The following NRIP1 variants were observed in gnomAD, a reference collection of about 807,000 sequenced individuals.
NRIP1 encodes the protein nuclear receptor interacting protein 1.
Under a neutral mutation model 75.0 loss-of-function variants are expected in NRIP1, and 28 were observed. That is an observed-to-expected ratio of 0.37 (90% confidence interval 0.28 to 0.51). The LOEUF is 0.51. NRIP1 is among the 20% of genes least tolerant of loss of function. NRIP1 has a pLI of 0.92. For synonymous variants in NRIP1, 526 were observed against 487.6 expected (o/e 1.08, Z -1.04); for missense variants, 1,435 against 1,343.7 (o/e 1.07, Z -1.06).
chr21:15,027,199 G>A (rs1279121058), intron 2 of NRIP1, among the ~76,000 whole-genome samples: 3 of 152,200 alleles, frequency 2.0e-5, no homozygotes, highest in Non-Finnish European at 4.4e-5. Context: ...GAAAGCGGTT[G>A]CAAGACACCA....
intron 3 of NRIP1, among the ~76,000 whole-genome samples, chr21:14,972,170 G>T (rs2086919388): frequency 6.6e-6 from 1 of 152,118 alleles, no homozygotes; most frequent in Non-Finnish European, 1.5e-5. Context: ...AACGCACTTA[G>T]CTCCTTCTAT....
chr21:15,042,616 T>C (rs1229765438), intron 2 of NRIP1, among the ~76,000 whole-genome samples: 1 of 151,936 alleles, frequency 6.6e-6, no homozygotes, highest in Non-Finnish European at 1.5e-5. Flanking sequence ...ATAAAAGAGG[T>C]CCCAATAATT....
At chr21:15,050,643 A>G (rs771646040) in intron 1 of NRIP1, 18 of 433,736 alleles carry the variant, frequency 4.1e-5, no homozygotes, top group Admixed American at 3.0e-4. Context: ...ACGTGACCAC[A>G]GTAAATCCTA....
chr21:14,983,066 T>C (rs140389644), intron 3 of NRIP1, among the ~76,000 whole-genome samples: 1 of 152,280 alleles, frequency 6.6e-6, no homozygotes, highest in East Asian at 1.9e-4. Context: ...GATCAATTAA[T>C]AACCCTACAA....
At chr21:15,048,852 T>C (rs967862743) in intron 1 of NRIP1, among the ~76,000 whole-genome samples, 2 of 152,202 alleles carry the variant, frequency 1.3e-5, no homozygotes, top group African/African-American at 4.8e-5. Context: ...CAAGGAGAAA[T>C]GATCCACTTA....
intron 1 of NRIP1, among the ~76,000 whole-genome samples, chr21:15,059,778 C>T (rs769715066): frequency 2.6e-5 from 4 of 151,776 alleles, no homozygotes; most frequent in Non-Finnish European, 5.9e-5. Flanking sequence ...TTTTCATAAC[C>T]CCAAAGAGTG....
At chr21:14,976,810 G>A (rs763202570) in intron 3 of NRIP1, among the ~76,000 whole-genome samples, 25 of 152,136 alleles carry the variant, frequency 1.6e-4, no homozygotes, top group Non-Finnish European at 3.5e-4. Context: ...TGTTTTTAAG[G>A]ATTCAGTATC....
chr21:15,062,618 T>G (rs1568741893), intron 1 of NRIP1, among the ~76,000 whole-genome samples: 2 of 152,242 alleles, frequency 1.3e-5, no homozygotes, highest in Non-Finnish European at 2.9e-5. Flanking sequence ...GCACTTGCTA[T>G]TTATTACTTA....
chr21:15,009,766 T>C (rs1009154904), intron 3 of NRIP1, among the ~76,000 whole-genome samples: 15 of 152,296 alleles, frequency 9.8e-5, no homozygotes, highest in African/African-American at 3.6e-4. Flanking sequence ...GATGGCATGT[T>C]CTATAAAAGT....
At chr21:15,017,486 G>T (rs2147189798) in intron 2 of NRIP1, among the ~76,000 whole-genome samples, 1 of 152,232 alleles carries the variant, frequency 6.6e-6, no homozygotes, top group African/African-American at 2.4e-5. Context: ...ATAGTTTAAT[G>T]AGCAATTACT....
At position 14,966,687 on chromosome 21, in the gene NRIP1, T is replaced by C. The variant is rs1210136564; in HGVS notation, c.1506A>G (p.Gln502=). The part of the protein sequence containing the change: ...LNSHQKVTLL[Q]LLLGHKNEEN... The stretch of plus-strand genomic sequence containing the variant: ...CTTCATTCTTATGGCCAAGTAGCAA[T>C]TGAAGAAGTGTTACTTTCTGGTGTG... The change falls in exon 4 of 4, where the codon CAA becomes CAG. Residue 502 remains glutamine (Q), a synonymous_variant. Transcript: ENST00000318948. 2 of 1,614,130 alleles carry C rather than the reference T, an allele frequency of 1.2e-6. No homozygotes were observed. Among genetic ancestry groups the C allele is most frequent in the Non-Finnish European group, 8.5e-7 (1 of 1,179,992 alleles).
At position 14,965,761 on chromosome 21, in the gene NRIP1, A is replaced by G. The variant is rs777252901; in HGVS notation, c.2432T>C (p.Phe811Ser). The G allele has an allele frequency of 1.2e-6, 2 of 1,614,000 alleles. No individual in the cohort carries two copies. Among genetic ancestry groups the G allele is most frequent in the Non-Finnish European group, 1.7e-6 (2 of 1,179,958 alleles). ...TAGCAGACCATTCTTGGAGAAAGAAAAATCCTGAGGTGAAACAGGCTCCGA... is the reference window on the plus strand; with the variant it reads ...TAGCAGACCATTCTTGGAGAAAGAAGAATCCTGAGGTGAAACAGGCTCCGA... Reference protein sequence around the residue: ...FKSEPVSPQDFSFSKNGLLSR... With the variant: ...FKSEPVSPQDSSFSKNGLLSR... Residue 811 changes from phenylalanine (F) to serine (S), a missense_variant, in exon 4 of 4, where the codon TTT becomes TCT. By Grantham distance (155) the Phe-to-Ser change is radical. Transcript: ENST00000318948.
chr21:14,976,591 T>G (rs931901474), intron 3 of NRIP1, among the ~76,000 whole-genome samples: 1 of 152,196 alleles, frequency 6.6e-6, no homozygotes, highest in Non-Finnish European at 1.5e-5. Context: ...GCTAAACTAT[T>G]TTCATTGCAA....
At chr21:14,993,715 G>A (rs1220813934) in intron 3 of NRIP1, among the ~76,000 whole-genome samples, 1 of 151,956 alleles carries the variant, frequency 6.6e-6, no homozygotes, top group African/African-American at 2.4e-5. Context: ...ATCCCAGGAA[G>A]TTGAGGCTGC....
chr21:14,971,006 T>C (rs1175485211), intron 3 of NRIP1, among the ~76,000 whole-genome samples: 1 of 152,218 alleles, frequency 6.6e-6, no homozygotes, highest in Non-Finnish European at 1.5e-5. Context: ...ATTTATTTCC[T>C]ATCTTCACAG....
At chr21:15,063,406 T>C (rs918028224) in intron 1 of NRIP1, among the ~76,000 whole-genome samples, 1 of 152,240 alleles carries the variant, frequency 6.6e-6, no homozygotes, top group African/African-American at 2.4e-5. Flanking sequence ...AAGTCTATTA[T>C]TTCACTGTCT....
intron 3 of NRIP1, chr21:14,992,783 C>T (rs1434217004): frequency 6.6e-6 from 1 of 152,108 alleles, no homozygotes; most frequent in Non-Finnish European, 1.5e-5. Context: ...ATAACATAAA[C>T]ATTATGAAGT....
chr21:14,963,081 C>T lies in NRIP1; in HGVS notation c.*1635G>A, dbSNP rs2142450. The T allele has an allele frequency of 0.16, 24,971 of 152,148 alleles. 2,334 individuals are homozygous for T. The highest frequency in any genetic ancestry group is 0.26 in the Middle Eastern group (75 of 294). 9.4% of individuals were successfully genotyped at this position (152,148 alleles called of 1,614,324 possible). On this transcript the variant is annotated 3_prime_UTR_variant, in exon 4 of 4. Transcript: ENST00000318948. ...TTAATTTCTTCTAAGACAGTATCAA[C>T]ATGTACTTTTCATCACTACTTTAAA...
chr21:15,024,853 C>T (rs188488080), intron 2 of NRIP1, among the ~76,000 whole-genome samples: 3 of 152,064 alleles, frequency 2.0e-5, no homozygotes, highest in Admixed American at 6.5e-5. Flanking sequence ...ATATAATGTA[C>T]GAAAGGTATG....
Sources: allele counts gnomAD v4.1 joint callset (sites outside exome capture counted in the v4.1 genomes callset), GRCh38; gene constraint gnomAD v4.1.1; transcripts MANE v1.5; gene names NCBI Gene and HGNC (gene_info 2026-07-23, HGNC 2026-07-21).